NFYA: variants seen among roughly 807,000 people sequenced by gnomAD.
The protein encoded by NFYA is CAAT-box DNA binding protein subunit A.
Under a neutral mutation model 52.8 loss-of-function variants are expected in NFYA, and 28 were observed. The ratio of observed to expected loss-of-function variants is 0.53; its 90% CI spans 0.39 to 0.73. NFYA has a LOEUF of 0.73. Ranked by LOEUF, NFYA falls within the 30% of genes least tolerant of loss-of-function variation. The pLI, the probability that NFYA is intolerant of heterozygous loss-of-function variation, is 0.00. For missense variants in NFYA, 234 were observed against 427.0 expected (o/e 0.55, Z 3.98); for synonymous variants, 150 against 150.7 (o/e 1.00, Z 0.03).
chr6:41,090,413 T>G (rs1764168663), intron 6 of NFYA, 104 bp downstream of exon 6: 2 of 609,384 alleles, frequency 3.3e-6, no homozygotes, highest in Non-Finnish European at 5.9e-6. Flanking sequence ...ACACTACATA[T>G]TTTTTGGACA....
intron 1 of NFYA, among the ~76,000 whole-genome samples, chr6:41,077,739 G>C (rs1317930504): frequency 6.6e-6 from 1 of 152,084 alleles, no homozygotes; most frequent in Non-Finnish European, 1.5e-5. Flanking sequence ...TTTGCTCCCT[G>C]TTGGCCAATC....
intron 9 of NFYA, among the ~76,000 whole-genome samples, 160 bp from the exon 10 acceptor site, chr6:41,097,197 G>T (rs1764382288): frequency 6.6e-6 from 1 of 152,148 alleles, no homozygotes; most frequent in African/African-American, 2.4e-5. Flanking sequence ...TCCTAATGGG[G>T]CTACACTTTA....
At chr6:41,090,935 T>C (rs939270552) in intron 6 of NFYA, among the ~76,000 whole-genome samples, 3 of 152,200 alleles carry the variant, frequency 2.0e-5, no homozygotes, top group African/African-American at 7.2e-5. Context: ...TTCCATGACT[T>C]TGTGATTGCA....
intron 5 of NFYA, 131 bp from the exon 6 acceptor site, chr6:41,090,073 G>A: frequency 3.2e-6 from 2 of 615,832 alleles, no homozygotes; most frequent in East Asian, 3.0e-5. Context: ...TTGCGCCACT[G>A]CACTGCACTC....
intron 4 of NFYA, among the ~76,000 whole-genome samples, chr6:41,084,556 G>T (rs757183551): frequency 6.6e-6 from 1 of 152,158 alleles, no homozygotes; most frequent in Non-Finnish European, 1.5e-5. Flanking sequence ...GAAAACTGAC[G>T]TATAGAAAGG....
rs899883391 is a variant in NFYA, at chr6:41,102,355, T to G, written c.*4945T>G. Among the ~76,000 whole-genome samples, 3 of 152,336 alleles carry G rather than the reference T, an allele frequency of 2.0e-5. No individual in the cohort carries two copies. In the South Asian group the frequency reaches 6.2e-4, roughly 32 times the overall value. On this transcript the variant is annotated 3_prime_UTR_variant, in exon 10 of 10. Transcript: ENST00000341376. The stretch of plus-strand genomic sequence containing the variant: ...GGGGGCAGGAGGAGCTAATTTCCTT[T>G]GCACATTTGTATTTTATTTCAAAAT...
rs570338510 is a variant in NFYA at position 41,099,090 on chromosome 6, A to G, written c.*1680A>G. 6.6e-6 allele frequency: 1 copy of G among 152,354 alleles called. No individual in the cohort carries two copies. The highest frequency in any genetic ancestry group is 6.5e-5 in the Admixed American group (1 of 15,308). The allele number at this position is 152,354 out of a possible 1,614,324, so 9.4% of individuals were successfully genotyped here. On this transcript the variant is annotated 3_prime_UTR_variant, in exon 10 of 10. Transcript: ENST00000341376. ...ATGATAGAAATAGAGGTACAGAGCT[A>G]TGCAAAGGAAACAGGAAGTGAAATA...
At chr6:41,092,760 T>G in intron 7 of NFYA, 152 bp from the exon 8 acceptor site, 3 of 667,516 alleles carry the variant, frequency 4.5e-6, no homozygotes, top group Non-Finnish European at 7.4e-6. Flanking sequence ...ATCTTTAGTA[T>G]AAATTTCTCC....
intron 4 of NFYA, among the ~76,000 whole-genome samples, chr6:41,085,534 T>G (rs887378092): frequency 6.6e-6 from 1 of 152,102 alleles, no homozygotes; most frequent in Non-Finnish European, 1.5e-5. Flanking sequence ...GAAAAGAGAG[T>G]ATGAGATAAC....
rs528520688 is a variant in NFYA at position 41,093,448 on chromosome 6, A to G, written c.888+363A>G. Among the ~76,000 whole-genome samples, 20 of 152,150 alleles carry G rather than the reference A, an allele frequency of 1.3e-4. No homozygotes were observed. In the South Asian group the frequency reaches 4.0e-3, roughly 30 times the overall value. On this transcript the variant is annotated intron_variant, in intron 8 of 9. Coordinates refer to ENST00000341376, the MANE Select transcript of NFYA (RefSeq NM_002505.5). ...TGCTTAGGCTCCAGCCTAGGAAGAA[A>G]GGGAACAAGAAAGGTACCCTTTCTT... is the stretch of plus-strand genomic sequence containing the variant.
rs1764462534 is a variant in NFYA, at chr6:41,100,247, G to A, written c.*2837G>A. Among the ~76,000 whole-genome samples, 1 of 152,186 alleles carries A rather than the reference G, an allele frequency of 6.6e-6. No individual in the cohort carries two copies. The highest frequency in any genetic ancestry group is 2.4e-5 in the African/African-American group (1 of 41,448). ...AAAGTGTTTATCAAAATGTGATGAA[G>A]TAATTCCATGAGGAAAATTAGCCGT... On this transcript the variant is annotated 3_prime_UTR_variant, in exon 10 of 10. Coordinates refer to ENST00000341376, the MANE Select transcript of NFYA (RefSeq NM_002505.5).
intron 6 of NFYA, among the ~76,000 whole-genome samples, chr6:41,090,512 T>A (rs1764171459): frequency 6.6e-6 from 1 of 152,234 alleles, no homozygotes; most frequent in Non-Finnish European, 1.5e-5. Context: ...TGTAGCAGTT[T>A]CTATAGTGGT....
rs1763730298 is a variant in NFYA, at chr6:41,076,229, G to GA, written c.-61-2799dup. Among the ~76,000 whole-genome samples, 8 of 152,278 alleles carry GA rather than the reference G, an allele frequency of 5.3e-5. No individual in the cohort carries two copies. In the South Asian group the frequency reaches 1.7e-3, roughly 32 times the overall value. On this transcript the variant is annotated intron_variant, in intron 1 of 9. Transcript: ENST00000341376. ...TTGAGACCAGCCTGGGTAGCATAGG[G>GA]AGACCCCCTCTCTTAAAAGAAAAAA...
intron 1 of NFYA, among the ~76,000 whole-genome samples, 187 bp from the exon 2 acceptor site, chr6:41,078,842 A>G (rs920547792): frequency 6.6e-6 from 1 of 152,242 alleles, no homozygotes; most frequent in Non-Finnish European, 1.5e-5. Flanking sequence ...AAACGTGAAA[A>G]TAGCATTATG....
At position 41,079,037 on chromosome 6, in the gene NFYA, C is replaced by T; in HGVS notation, c.-53C>T. ...CCCCACCTTTCTAACAGGAGTGTAC[C>T]TCACAGCCTTCTAGGATCTCCAGAG... On this transcript the variant is annotated 5_prime_UTR_variant, in exon 2 of 10. Transcript: ENST00000341376. The T allele has an allele frequency of 3.2e-6, 5 of 1,560,970 alleles. No individual in the cohort carries two copies. The highest frequency in any genetic ancestry group is 4.4e-6 in the Non-Finnish European group (5 of 1,134,288).
At chr6:41,077,866 G>A (rs1382769366) in intron 1 of NFYA, among the ~76,000 whole-genome samples, 2 of 152,168 alleles carry the variant, frequency 1.3e-5, no homozygotes, top group African/African-American at 4.8e-5. Context: ...GACATAGCCT[G>A]TTATTTATGG....
intron 3 of NFYA, among the ~76,000 whole-genome samples, chr6:41,082,412 G>A (rs1763934537): frequency 2.0e-5 from 3 of 152,170 alleles, no homozygotes; most frequent in South Asian, 2.1e-4. Flanking sequence ...GCTCTTAACT[G>A]TATGGCTTCT....
chr6:41,090,595 A>C (rs534008279), intron 6 of NFYA, among the ~76,000 whole-genome samples: 6 of 152,310 alleles, frequency 3.9e-5, no homozygotes, highest in Admixed American at 6.5e-5. Flanking sequence ...TAGGGAGTTC[A>C]TTGGTAAAGA....
At chr6:41,083,524 G>A (rs1467264558) in intron 3 of NFYA, among the ~76,000 whole-genome samples, 1 of 152,088 alleles carries the variant, frequency 6.6e-6, no homozygotes, top group African/African-American at 2.4e-5. Context: ...AGACTGTAGG[G>A]AAAAAAGGGT....
Sources: gnomAD v4.1 joint callset for allele counts (sites outside exome capture counted in the v4.1 genomes callset) on GRCh38, gnomAD v4.1.1 for gene constraint, MANE v1.5 for transcripts, NCBI Gene and HGNC (gene_info 2026-07-23, HGNC 2026-07-21) for gene names.